Variants in STRIP2 observed in about 807,000 individuals in gnomAD.
The protein encoded by STRIP2 is striatin-interacting protein 2.
Under a neutral mutation model 107.1 loss-of-function variants are expected in STRIP2, and 84 were observed. The ratio of observed to expected loss-of-function variants is 0.78; its 90% confidence interval spans 0.66 to 0.94. STRIP2 has a LOEUF of 0.94. STRIP2 is among the 40% of genes least tolerant of loss of function. The pLI is 0.00. For synonymous variants in STRIP2, 394 were observed against 400.4 expected, an observed-to-expected ratio of 0.98 and a Z score of 0.19; for missense variants, 888 against 1,034.2, an observed-to-expected ratio of 0.86 and a Z score of 1.94.
chr7:129,485,489 C>A, intron 20 of STRIP2, 90 bp from the exon 21 acceptor site: 3 of 1,389,216 alleles, frequency 2.2e-6, no homozygotes, highest in Non-Finnish European at 2.9e-6. Flanking sequence ...CTGAGCAGTT[C>A]CATTTTTGGA....
At chr7:129,451,829 C>G (rs1038118048) in intron 4 of STRIP2, 82 bp downstream of exon 4, 2 of 1,549,966 alleles carry the variant, frequency 1.3e-6, no homozygotes, top group African/African-American at 1.4e-5. Flanking sequence ...ATGACGCAGG[C>G]TGTGCTGGGA....
At chr7:129,455,147 G>A in intron 7 of STRIP2, 97 bp from the exon 8 acceptor site, 1 of 1,420,720 alleles carries the variant, frequency 7.0e-7, no homozygotes, top group Non-Finnish European at 9.5e-7. Context: ...CAGGGGAGGT[G>A]AGTGCCTTCC....
intron 15 of STRIP2, 84 bp downstream of exon 15, chr7:129,464,225 C>G: frequency 2.0e-6 from 2 of 1,023,072 alleles, no homozygotes; most frequent in Non-Finnish European, 1.5e-6. Context: ...CTTGTTAACA[C>G]TTACAGAGAT....
At chr7:129,444,689 T>G (rs561118367) in intron 3 of STRIP2, among the ~76,000 whole-genome samples, 12 of 152,148 alleles carry the variant, frequency 7.9e-5, no homozygotes, top group Non-Finnish European at 7.4e-5. Context: ...TCTCCTGAGA[T>G]CATACATAAT....
At chr7:129,440,638 A>T (rs572866933) in intron 2 of STRIP2, among the ~76,000 whole-genome samples, 2 of 152,202 alleles carry the variant, frequency 1.3e-5, no homozygotes, top group South Asian at 4.1e-4. Context: ...CCATCATAGT[A>T]GAGTTCTGCT....
chr7:129,483,228 C>T lies in STRIP2; in HGVS notation c.2254+182C>T. The T allele has an allele frequency of 7.4e-7, 1 of 1,347,226 alleles. No individual in the cohort carries two copies. The highest frequency in any genetic ancestry group is 9.5e-7 in the Non-Finnish European group (1 of 1,049,200). The allele number at this position is 1,347,226 out of a possible 1,614,324, so 83.5% of individuals were successfully genotyped here. A position where few individuals can be genotyped will look rare whatever the true frequency, so the allele number is the denominator to read the frequency against. On this transcript the variant is annotated intron_variant, in intron 20 of 20. Transcript: ENST00000249344. The surrounding 1 kb of genome is among the most constrained non-coding windows in gnomAD (Gnocchi z 5.1). ...GTTATGCCTCAAATTCTAGTATGTA[C>T]CCTTGTCCTATGTAAACTATGAAAA...
At chr7:129,444,175 A>C in intron 3 of STRIP2, 77 bp downstream of exon 3, 2 of 1,067,186 alleles carry the variant, frequency 1.9e-6, no homozygotes, top group South Asian at 2.8e-5. Context: ...AAAAGACTAA[A>C]ACAAAGTGCG....
intron 3 of STRIP2, among the ~76,000 whole-genome samples, chr7:129,449,646 C>T (rs551162387): frequency 6.9e-4 from 105 of 152,314 alleles, no homozygotes; most frequent in Admixed American, 1.4e-3. Flanking sequence ...TCCCACATGT[C>T]CCCATTCCAA....
intron 3 of STRIP2, among the ~76,000 whole-genome samples, chr7:129,449,841 A>G (rs1345297595): frequency 6.6e-6 from 1 of 152,188 alleles, no homozygotes; most frequent in East Asian, 1.9e-4. Flanking sequence ...ATCTTAGCAG[A>G]TTTGAGGCTC....
chr7:129,444,924 A>G (rs1797995574), intron 3 of STRIP2, among the ~76,000 whole-genome samples: 1 of 152,212 alleles, frequency 6.6e-6, no homozygotes. Context: ...GTATACACGC[A>G]CAAACATGTT....
At chr7:129,435,604 C>G (rs1004002313) in intron 1 of STRIP2, among the ~76,000 whole-genome samples, 1 of 152,184 alleles carries the variant, frequency 6.6e-6, no homozygotes, top group African/African-American at 2.4e-5. Context: ...CGGCACATTA[C>G]GGAACCTCTC....
Position 129,460,351 on chromosome 7 carries a change from G to A in STRIP2, c.1455G>A (p.Leu485=). 1 of 1,613,942 alleles carries A rather than the reference G, an allele frequency of 6.2e-7. No homozygotes were observed. The highest frequency in any genetic ancestry group is 8.5e-7 in the Non-Finnish European group (1 of 1,179,944). Residue 485 remains leucine, a synonymous_variant, in exon 13 of 21, where the codon CTG becomes CTA. Transcript: ENST00000249344. The part of the protein sequence containing the change: ...ADVQIKNEEE[L]EKCPMSLGEE... ...TGCAGATCAAGAATGAAGAGGAGCT[G>A]GAGAAGTGCCCTATGTCTTTGGTGA...
At chr7:129,447,062 G>A (rs1798057125) in intron 3 of STRIP2, among the ~76,000 whole-genome samples, 1 of 152,216 alleles carries the variant, frequency 6.6e-6, no homozygotes. Flanking sequence ...CTGGGAGCCT[G>A]CCAAAGGCAC....
chr7:129,434,737 C>T (rs960279891), intron 1 of STRIP2, 136 bp downstream of exon 1: 3 of 1,115,596 alleles, frequency 2.7e-6, no homozygotes, highest in Non-Finnish European at 3.6e-6. Context: ...CTGCGGGGTC[C>T]TAGCGGCTGA....
chr7:129,474,664 T>G (rs1490858909), intron 18 of STRIP2, among the ~76,000 whole-genome samples: 2 of 152,098 alleles, frequency 1.3e-5, no homozygotes, highest in Non-Finnish European at 2.9e-5. Flanking sequence ...TGTGTGCCAT[T>G]ACTGCCCAGC....
At chr7:129,457,136 C>A (rs1251865220) in intron 9 of STRIP2, among the ~76,000 whole-genome samples, 1 of 152,176 alleles carries the variant, frequency 6.6e-6, no homozygotes, top group East Asian at 1.9e-4. Flanking sequence ...ATGTATATAA[C>A]CATGTGACAC....
At chr7:129,442,330 CAG>C (rs1442050715) in intron 2 of STRIP2, among the ~76,000 whole-genome samples, 5 of 152,008 alleles carry the variant, frequency 3.3e-5, no homozygotes, top group Non-Finnish European at 5.9e-5. Context: ...AGTTTTTAAA[CAG>C]AGCAATATCA....
intron 18 of STRIP2, among the ~76,000 whole-genome samples, chr7:129,474,381 T>G (rs1798865122): frequency 6.6e-6 from 1 of 152,196 alleles, no homozygotes; most frequent in Non-Finnish European, 1.5e-5. Context: ...TTGTCCAGAC[T>G]GGTCTCAAAT....
intron 18 of STRIP2, among the ~76,000 whole-genome samples, chr7:129,476,526 C>T (rs2071803290): frequency 6.6e-6 from 1 of 151,740 alleles, no homozygotes; most frequent in South Asian, 2.1e-4. Flanking sequence ...AGACGCTCCT[C>T]AGCTCCCAGA....
Sources: gnomAD v4.1 joint callset for allele counts (sites outside exome capture counted in the v4.1 genomes callset) on GRCh38, gnomAD v4.1.1 for gene constraint, Gnocchi (gnomAD v3.1) non-coding constraint, MANE v1.5 for transcripts, NCBI Gene and HGNC (gene_info 2026-07-23, HGNC 2026-07-21) for gene names.